The following METTL16 variants were observed in gnomAD, a reference collection of about 807,000 sequenced individuals.
The protein encoded by METTL16 is methyltransferase 16, RNA N6-adenosine, also known as RNA N(6)-adenosine-methyltransferase METTL16.
In METTL16, 19 loss-of-function variants were observed where a neutral mutation model predicts 57.9. That is an observed-to-expected ratio of 0.33 (90% CI 0.23 to 0.48). The LOEUF is 0.48. METTL16 is among the 20% of genes least tolerant of loss of function. The pLI is 0.99. For synonymous variants in METTL16, 246 were observed against 255.6 expected (o/e 0.96, Z 0.36); for missense variants, 434 against 691.5 (o/e 0.63, Z 4.18).
At chr17:2,443,383 G>A (rs2066968084) in intron 6 of METTL16, among the ~76,000 whole-genome samples, 1 of 151,744 alleles carries the variant, frequency 6.6e-6, no homozygotes, top group East Asian at 1.9e-4. Context: ...ATTTAAGGAA[G>A]AAATAATATT....
chr17:2,432,473 A>G (rs555445897), intron 8 of METTL16, among the ~76,000 whole-genome samples: 1 of 152,084 alleles, frequency 6.6e-6, no homozygotes, highest in East Asian at 1.9e-4. Flanking sequence ...GGAGGCTGAC[A>G]GGGGAGGATC....
At chr17:2,424,110 TTATTA>T (rs2066791128) in intron 8 of METTL16, 1 of 148,594 alleles carries the variant, frequency 6.7e-6, no homozygotes, top group African/African-American at 2.5e-5. Context: ...TTATTTTATT[TTATTA>T]TTTTATTTTT....
chr17:2,444,807 G>A (rs2066982383), intron 6 of METTL16, among the ~76,000 whole-genome samples: 1 of 150,336 alleles, frequency 6.7e-6, no homozygotes, highest in Non-Finnish European at 1.5e-5. Context: ...TCTGCCTCCC[G>A]GGTTCAAGCA....
Position 2,453,049 on chromosome 17 carries a change from A to G in METTL16, c.728+11159T>C, listed in dbSNP as rs140889807. 2.5e-3 allele frequency among the ~76,000 whole-genome samples: 378 copies of G among 152,152 alleles called. 2 individuals are homozygous for G. The highest frequency in any genetic ancestry group is 8.5e-3 in the African/African-American group (351 of 41,528). On this transcript the variant is annotated intron_variant, in intron 6 of 9. Transcript: ENST00000263092. The stretch of plus-strand genomic sequence containing the variant: ...TAATTTTTGTATTTTCCCTAGAGAC[A>G]GGGTTTCACTGTGTTGGTCAGGCTG...
At position 2,416,131 on chromosome 17, in the gene METTL16, G is replaced by C. The variant is rs1173487718; in HGVS notation, c.*3839C>G. On this transcript the variant is annotated 3_prime_UTR_variant, in exon 10 of 10. Transcript: ENST00000263092. Reference sequence around the variant, plus strand: ...TTACATAAAAATACAAATCTGGGTAGCAACTGGGTATTTCAAGAAAACACC... The same window carrying C: ...TTACATAAAAATACAAATCTGGGTACCAACTGGGTATTTCAAGAAAACACC... 1.3e-5 allele frequency: 2 copies of C among 152,148 alleles called. No individual in the cohort carries two copies. Among genetic ancestry groups the C allele is most frequent in the Admixed American group, 1.3e-4 (2 of 15,274 alleles). 9.4% of individuals were successfully genotyped at this position (152,148 alleles called of 1,614,324 possible).
intron 7 of METTL16, 53 bp from the exon 8 acceptor site, chr17:2,438,251 G>T: frequency 7.6e-7 from 1 of 1,310,630 alleles, no homozygotes; most frequent in Non-Finnish European, 1.1e-6. Flanking sequence ...CTACCAATAT[G>T]TTTCTGGCTG....
At chr17:2,477,595 A>C in intron 3 of METTL16, 91 bp downstream of exon 3, 1 of 953,774 alleles carries the variant, frequency 1.0e-6, no homozygotes. Flanking sequence ...TTTGTACAAC[A>C]ACAAATACCC....
intron 6 of METTL16, among the ~76,000 whole-genome samples, chr17:2,463,305 T>G (rs2067164048): frequency 6.6e-6 from 1 of 152,222 alleles, no homozygotes; most frequent in African/African-American, 2.4e-5. Context: ...AGGACCATCC[T>G]AATGGGAGCA....
chr17:2,442,040 T>C (rs943560355), intron 6 of METTL16, among the ~76,000 whole-genome samples: 1 of 152,192 alleles, frequency 6.6e-6, no homozygotes. Flanking sequence ...ATCAATTTGC[T>C]CTAGAGTAAA....
At position 2,461,722 on chromosome 17, in the gene METTL16, G is replaced by A. The variant is rs146295258; in HGVS notation, c.728+2486C>T. On this transcript the variant is annotated intron_variant, in intron 6 of 9. Coordinates refer to ENST00000263092, the MANE Select transcript of METTL16 (RefSeq NM_024086.4). ...CTCCCGAGTAGCTGGGATTACAGGC[G>A]CCTGCCACCACACCCAGCTAATTTT... Among the ~76,000 whole-genome samples, 54 of 151,874 alleles carry A rather than the reference G, an allele frequency of 3.6e-4. No homozygotes were observed. The East Asian group carries it at 9.1e-3, about 26-fold the overall frequency.
At chr17:2,444,018 C>T (rs996934310) in intron 6 of METTL16, among the ~76,000 whole-genome samples, 6 of 152,142 alleles carry the variant, frequency 3.9e-5, no homozygotes, top group African/African-American at 1.4e-4. Context: ...AAAGATTAGA[C>T]TTAAAATGTT....
rs1597462196 is a variant in METTL16 at position 2,477,314 on chromosome 17, G to C, written c.328+372C>G. ...CTCAAGAGAAATCAGTGGGAGAAAA[G>C]GCCAGGTGTAGTAAAAAAGAACGGT... On this transcript the variant is annotated intron_variant, in intron 3 of 9. Coordinates refer to ENST00000263092, the MANE Select transcript of METTL16 (RefSeq NM_024086.4). 7 of 205,486 alleles carry C rather than the reference G, an allele frequency of 3.4e-5. No individual in the cohort carries two copies. In the East Asian group the frequency reaches 7.9e-4, roughly 23 times the overall value. The allele number at this position is 205,486 out of a possible 1,614,324, so 12.7% of individuals were successfully genotyped here. A position where few individuals can be genotyped will look rare whatever the true frequency, so the allele number is the denominator to read the frequency against.
At chr17:2,471,931 T>G (rs938089788) in intron 4 of METTL16, among the ~76,000 whole-genome samples, 3 of 151,798 alleles carry the variant, frequency 2.0e-5, no homozygotes, top group Non-Finnish European at 4.4e-5. Flanking sequence ...CTGGGCAACA[T>G]GGTGAAACCC....
At chr17:2,421,687 T>A (rs1415532066) in intron 8 of METTL16, among the ~76,000 whole-genome samples, 1 of 152,138 alleles carries the variant, frequency 6.6e-6, no homozygotes, top group East Asian at 1.9e-4. Context: ...AGAAACATCA[T>A]CAACTTGTAG....
chr17:2,448,746 A>T (rs1197080997), intron 6 of METTL16, among the ~76,000 whole-genome samples: 4 of 121,042 alleles, frequency 3.3e-5, no homozygotes, highest in African/African-American at 1.4e-4. Context: ...TCAATAAAAA[A>T]AAAAATAAAA....
chr17:2,426,417 A>T lies in METTL16; in HGVS notation c.889-5513T>A, dbSNP rs1355752192. ...AAAATGTCCTGAAATCACCCCCAGG[A>T]GTACGTAAAAACAGTAAAAAGTAAA... On this transcript the variant is annotated intron_variant, in intron 8 of 9. Coordinates refer to ENST00000263092, the MANE Select transcript of METTL16 (RefSeq NM_024086.4). Among the ~76,000 whole-genome samples the T allele has an allele frequency of 2.6e-5, 4 of 152,258 alleles. No individual in the cohort carries two copies. The East Asian group carries it at 7.7e-4, about 29-fold the overall frequency.
In METTL16 at chr17:2,511,857, G is replaced by C. The variant is rs574280773; in HGVS notation, c.-99C>G. On this transcript the variant is annotated 5_prime_UTR_variant, in exon 1 of 10. It adds an upstream start codon to the 5' untranslated region. Transcript: ENST00000263092. ...GCATAGCGAAGCTCCTAGAAACGCA[G>C]ATGATACGCTCCCAGCGCGCCGCCA... 2.5e-6 allele frequency: 1 copy of C among 398,680 alleles called. No individual in the cohort carries two copies. The highest frequency in any genetic ancestry group is 2.1e-5 in the African/African-American group (1 of 48,766). The allele number at this position is 398,680 out of a possible 1,614,324, so 24.7% of individuals were successfully genotyped here.
chr17:2,502,151 C>A, intron 2 of METTL16, 53 bp downstream of exon 2: 1 of 1,583,964 alleles, frequency 6.3e-7, no homozygotes, highest in South Asian at 1.1e-5. Context: ...TCTATTACAT[C>A]ATATCCATTT....
At chr17:2,448,805 A>AAAAAAAAAAAAAAAACAAAATAAAAT (rs2067044639) in intron 6 of METTL16, among the ~76,000 whole-genome samples, 1 of 104,564 alleles carries the variant, frequency 9.6e-6, no homozygotes, top group Admixed American at 9.6e-5. Context: ...TAAAATTTAA[A>AAAAAAAAAAAAAAAACAAAATAAAAT]AAAAAAAAAA....
Sources: allele counts gnomAD v4.1 joint callset (sites outside exome capture counted in the v4.1 genomes callset), GRCh38; gene constraint gnomAD v4.1.1; transcripts MANE v1.5; gene names NCBI Gene and HGNC (gene_info 2026-07-23, HGNC 2026-07-21).